The following TAFA4 variants were observed in gnomAD, a reference collection of about 807,000 sequenced individuals.
TAFA4 encodes the protein chemokine-like protein TAFA-4.
TAFA4 carries 20 observed loss-of-function variants against 21.1 expected under a neutral mutation model. That is an observed-to-expected ratio of 0.95 (90% confidence interval 0.67 to 1.38). The LOEUF is 1.38. TAFA4 is among the 40% of genes most tolerant of loss of function. The pLI is 0.00. For missense variants in TAFA4, 211 were observed against 180.9 expected (o/e 1.17, Z -0.95); for synonymous variants, 71 against 67.4 (o/e 1.05, Z -0.26).
At chr3:68,813,890 T>C (rs1703901114) in intron 3 of TAFA4, among the ~76,000 whole-genome samples, 1 of 152,170 alleles carries the variant, frequency 6.6e-6, no homozygotes, top group Admixed American at 6.5e-5. Context: ...CCAATATCAC[T>C]GATGAACATC....
chr3:68,817,138 C>G (rs1483189145), intron 3 of TAFA4, among the ~76,000 whole-genome samples: 1 of 152,126 alleles, frequency 6.6e-6, no homozygotes, highest in Non-Finnish European at 1.5e-5. Flanking sequence ...TCTCTCAAAC[C>G]CTGCGTTTTA....
chr3:68,877,931 C>T lies in TAFA4; in HGVS notation c.130+2799G>A, dbSNP rs148257300. On this transcript the variant is annotated intron_variant, in intron 3 of 5. Transcript: ENST00000295569. The stretch of plus-strand genomic sequence containing the variant: ...TTCCTTATTAGTTATCCCAATAACT[C>T]CAAATAAAATAGGCATGGATATCAT... Among the ~76,000 whole-genome samples the T allele has an allele frequency of 2.4e-3, 369 of 152,234 alleles. 1 individual carries two copies. Among genetic ancestry groups the T allele is most frequent in the African/African-American group, 8.4e-3 (349 of 41,540 alleles).
Position 68,732,327 on chromosome 3 carries a change from C to A in TAFA4, c.*815G>T, listed in dbSNP as rs929557547. The A allele has an allele frequency of 6.6e-6, 1 of 152,412 alleles. No individual in the cohort carries two copies. Among genetic ancestry groups the A allele is most frequent in the Non-Finnish European group, 1.5e-5 (1 of 68,006 alleles). 9.4% of individuals were successfully genotyped at this position (152,412 alleles called of 1,614,324 possible). A position where few individuals can be genotyped will look rare whatever the true frequency, so the allele number is the denominator to read the frequency against. On this transcript the variant is annotated 3_prime_UTR_variant, in exon 6 of 6. Coordinates refer to ENST00000295569, the MANE Select transcript of TAFA4 (RefSeq NM_182522.5). Reference sequence around the variant, plus strand: ...TTTGATCTAAGAAATAACCCTTGATCTAAATTGAGATTGTTTTATATTTTA... The same window carrying A: ...TTTGATCTAAGAAATAACCCTTGATATAAATTGAGATTGTTTTATATTTTA...
chr3:68,829,925 T>G (rs1454525287), intron 3 of TAFA4, among the ~76,000 whole-genome samples: 1 of 152,184 alleles, frequency 6.6e-6, no homozygotes, highest in South Asian at 2.1e-4. Context: ...GGAGGGTGTA[T>G]GTGTCGAGGA....
chr3:68,741,055 T>G (rs577096781), intron 4 of TAFA4, among the ~76,000 whole-genome samples: 1 of 152,334 alleles, frequency 6.6e-6, no homozygotes, highest in African/African-American at 2.4e-5. Flanking sequence ...ACTATAGCTT[T>G]GTAATATAAT....
chr3:68,922,215 G>T (rs1422511447), intron 1 of TAFA4, among the ~76,000 whole-genome samples: 1 of 152,182 alleles, frequency 6.6e-6, no homozygotes, highest in African/African-American at 2.4e-5. Context: ...AAGCTTGGAA[G>T]CATCGGCACC....
chr3:68,813,242 C>T (rs541350384), intron 3 of TAFA4, among the ~76,000 whole-genome samples: 1 of 152,116 alleles, frequency 6.6e-6, no homozygotes, highest in East Asian at 1.9e-4. Flanking sequence ...AAAATTGACA[C>T]CCTAACATCA....
chr3:68,734,510 T>C (rs1702205025), intron 5 of TAFA4, among the ~76,000 whole-genome samples: 1 of 152,088 alleles, frequency 6.6e-6, no homozygotes, highest in African/African-American at 2.4e-5. Flanking sequence ...TTGGCCTTTT[T>C]CTGAGGTTCA....
intron 5 of TAFA4, 26 bp from the exon 6 acceptor site, chr3:68,733,179 A>T: frequency 6.2e-7 from 1 of 1,612,904 alleles, no homozygotes; most frequent in African/African-American, 1.3e-5. Flanking sequence ...ATAAGGGAAC[A>T]TTCAACACTC....
chr3:68,852,684 C>T (rs1320899622), intron 3 of TAFA4, among the ~76,000 whole-genome samples: 1 of 152,168 alleles, frequency 6.6e-6, no homozygotes, highest in African/African-American at 2.4e-5. Context: ...TCAATACACA[C>T]CCATGATCAA....
At chr3:68,885,852 C>G (rs2089667434) in intron 1 of TAFA4, among the ~76,000 whole-genome samples, 1 of 151,950 alleles carries the variant, frequency 6.6e-6, no homozygotes, top group Admixed American at 6.6e-5. Context: ...ATCCACCATA[C>G]CAAAATATAA....
At chr3:68,850,838 TTCTC>T (rs1476220183) in intron 3 of TAFA4, among the ~76,000 whole-genome samples, 1 of 152,198 alleles carries the variant, frequency 6.6e-6, no homozygotes, top group Non-Finnish European at 1.5e-5. Context: ...AGGTTGCCTG[TTCTC>T]TCTGATGATA....
intron 3 of TAFA4, among the ~76,000 whole-genome samples, chr3:68,859,021 C>T (rs568250543): frequency 6.6e-6 from 1 of 151,696 alleles, no homozygotes; most frequent in South Asian, 2.1e-4. Flanking sequence ...CAGCCAGAAG[C>T]CAGCTGCAGA....
At position 68,917,637 on chromosome 3, in the gene TAFA4, C is replaced by T. The variant is rs529024283; in HGVS notation, c.-123+14603G>A. ...GGCGTGGTGGCACATTCCTGTAATC[C>T]CAGCTACTCGGGAGGCTGAGGCAGG... is the stretch of plus-strand genomic sequence containing the variant. On this transcript the variant is annotated intron_variant, in intron 1 of 5. Coordinates refer to ENST00000295569, the MANE Select transcript of TAFA4 (RefSeq NM_182522.5). 1.1e-3 allele frequency among the ~76,000 whole-genome samples: 168 copies of T among 151,680 alleles called. 1 individual carries two copies. The highest frequency in any genetic ancestry group is 3.8e-3 in the African/African-American group (159 of 41,344).
intron 3 of TAFA4, among the ~76,000 whole-genome samples, chr3:68,842,965 G>A (rs577595683): frequency 1.3e-5 from 2 of 152,176 alleles, no homozygotes; most frequent in Non-Finnish European, 2.9e-5. Context: ...AAGTCAGGTA[G>A]CATGATGCCT....
In TAFA4 at chr3:68,754,670, G is replaced by A. The variant is rs149852885; in HGVS notation, c.131-1652C>T. 2.0e-5 allele frequency among the ~76,000 whole-genome samples: 3 copies of A among 152,224 alleles called. No homozygotes were observed. In the East Asian group the frequency reaches 5.8e-4, roughly 29 times the overall value. On this transcript the variant is annotated intron_variant, in intron 3 of 5. Coordinates refer to ENST00000295569, the MANE Select transcript of TAFA4 (RefSeq NM_182522.5). ...TTATATTAGTAAGCATTTTGAGGGA[G>A]ATATATTAGTGAGACTATGAATATA...
chr3:68,829,535 A>C (rs1704329059), intron 3 of TAFA4, among the ~76,000 whole-genome samples: 1 of 152,206 alleles, frequency 6.6e-6, no homozygotes, highest in Non-Finnish European at 1.5e-5. Flanking sequence ...CCCAGGGATG[A>C]AGCCAACTTG....
At chr3:68,778,349 C>G (rs1016280919) in intron 3 of TAFA4, among the ~76,000 whole-genome samples, 4 of 152,108 alleles carry the variant, frequency 2.6e-5, no homozygotes, top group African/African-American at 9.7e-5. Flanking sequence ...ATCAAGATAA[C>G]AACATAATCC....
intron 3 of TAFA4, among the ~76,000 whole-genome samples, chr3:68,868,566 T>C (rs1038633765): frequency 6.6e-6 from 1 of 151,878 alleles, no homozygotes; most frequent in Non-Finnish European, 1.5e-5. Context: ...TCTGACCACA[T>C]TGGAATAAAC....
Sources: allele counts gnomAD v4.1 joint callset (sites outside exome capture counted in the v4.1 genomes callset), GRCh38; gene constraint gnomAD v4.1.1; transcripts MANE v1.5; gene names NCBI Gene and HGNC (gene_info 2026-07-23, HGNC 2026-07-21).